The following FHIT variants were observed in gnomAD, a reference collection of about 807,000 sequenced individuals.
FHIT encodes bis(5'-adenosyl)-triphosphatase.
A neutral mutation model predicts 17.9 loss-of-function variants in FHIT; 19 were observed. The observed-to-expected ratio is 1.06, with a 90% confidence interval of 0.74 to 1.56. The LOEUF is 1.56. Ranked by LOEUF, FHIT falls within the 40% of genes most tolerant of loss-of-function variation. The pLI is 0.00. For synonymous variants in FHIT, 81 were observed against 69.7 expected, an observed-to-expected ratio of 1.16 and a Z score of -0.81; for missense variants, 248 against 189.2, an observed-to-expected ratio of 1.31 and a Z score of -1.82.
intron 5 of FHIT, among the ~76,000 whole-genome samples, chr3:60,345,599 A>T (rs1378724185): frequency 1.3e-5 from 2 of 152,190 alleles, no homozygotes; most frequent in African/African-American, 4.8e-5. Context: ...TTGTGACTAA[A>T]AGATGGCATT....
chr3:60,441,856 T>TG (rs1445693672), intron 5 of FHIT, among the ~76,000 whole-genome samples: 128 of 123,082 alleles, frequency 1.0e-3, no homozygotes, highest in African/African-American at 3.6e-3. Context: ...TTTAGTTGTG[T>TG]TTTTTTTTTT....
intron 3 of FHIT, among the ~76,000 whole-genome samples, chr3:60,962,594 G>A (rs1709512332): frequency 6.6e-6 from 1 of 152,144 alleles, no homozygotes; most frequent in Non-Finnish European, 1.5e-5. Flanking sequence ...ATTATTTTCA[G>A]ACACGTCCCA....
At chr3:60,892,167 AT>A (rs1247360797) in intron 3 of FHIT, among the ~76,000 whole-genome samples, 1 of 152,178 alleles carries the variant, frequency 6.6e-6, no homozygotes, top group African/African-American at 2.4e-5. Flanking sequence ...AAAGCCTGAA[AT>A]TTCATCCTTC....
At position 60,323,246 on chromosome 3, in the gene FHIT, T is replaced by G. The variant is rs1243823697; in HGVS notation, c.103+213614A>C. Among the ~76,000 whole-genome samples the G allele has an allele frequency of 4.6e-5, 7 of 152,162 alleles. No individual in the cohort carries two copies. The South Asian group carries it at 1.2e-3, about 27-fold the overall frequency. On this transcript the variant is annotated intron_variant, in intron 5 of 9. Coordinates refer to ENST00000492590, the MANE Select transcript of FHIT (RefSeq NM_002012.4). Reference sequence around the variant, plus strand: ...CACTGTTTCACATTCATGAAATACGTAGTCAGTGATGATATCTACATAACG... The same window carrying G: ...CACTGTTTCACATTCATGAAATACGGAGTCAGTGATGATATCTACATAACG...
chr3:60,196,934 A>C (rs187740912), intron 5 of FHIT, among the ~76,000 whole-genome samples: 2 of 152,240 alleles, frequency 1.3e-5, no homozygotes, highest in East Asian at 3.9e-4. Flanking sequence ...ACCACAGGTA[A>C]GTACATACAG....
At chr3:60,259,176 G>C (rs1346314252) in intron 5 of FHIT, among the ~76,000 whole-genome samples, 1 of 152,074 alleles carries the variant, frequency 6.6e-6, no homozygotes, top group Non-Finnish European at 1.5e-5. Flanking sequence ...AGCAGGCCAG[G>C]AATTGCTGAG....
chr3:60,702,680 AAG>A (rs1348332032), intron 4 of FHIT, among the ~76,000 whole-genome samples: 1 of 152,142 alleles, frequency 6.6e-6, no homozygotes, highest in Non-Finnish European at 1.5e-5. Flanking sequence ...CATGACAGTG[AAG>A]AGAGTATCAT....
intron 1 of FHIT, among the ~76,000 whole-genome samples, chr3:61,221,221 G>A (rs1560090313): frequency 6.6e-6 from 1 of 152,208 alleles, no homozygotes; most frequent in Non-Finnish European, 1.5e-5. Context: ...GAGACATTCT[G>A]ACAATGTGGC....
chr3:60,700,110 A>G (rs1350775291), intron 4 of FHIT, among the ~76,000 whole-genome samples: 1 of 142,914 alleles, frequency 7.0e-6, no homozygotes, highest in Non-Finnish European at 1.5e-5. Flanking sequence ...CAGCCTGGGC[A>G]GCAGAGCGAG....
At chr3:60,461,884 A>G (rs1016051011) in intron 5 of FHIT, among the ~76,000 whole-genome samples, 1 of 152,176 alleles carries the variant, frequency 6.6e-6, no homozygotes, top group Non-Finnish European at 1.5e-5. Context: ...ATTGAAATTG[A>G]TTTTAAAAAA....
At chr3:61,089,099 T>C (rs972227612) in intron 2 of FHIT, among the ~76,000 whole-genome samples, 2 of 152,168 alleles carry the variant, frequency 1.3e-5, no homozygotes, top group African/African-American at 4.8e-5. Context: ...ACTCAGACTT[T>C]TTTTGAGCAG....
At chr3:60,328,821 C>G (rs1298669410) in intron 5 of FHIT, among the ~76,000 whole-genome samples, 1 of 152,176 alleles carries the variant, frequency 6.6e-6, no homozygotes, top group Non-Finnish European at 1.5e-5. Context: ...TTTTCCCACC[C>G]AGGTCACAGT....
At chr3:60,720,846 A>G (rs13060811) in intron 4 of FHIT, among the ~76,000 whole-genome samples, 28,742 of 152,114 alleles carry the variant, frequency 0.19, 2,861 homozygotes, top group African/African-American at 0.22. Flanking sequence ...ATATGAATAC[A>G]TGTAGTAAAA....
At chr3:60,063,747 T>C (rs967932108) in intron 5 of FHIT, among the ~76,000 whole-genome samples, 2 of 152,216 alleles carry the variant, frequency 1.3e-5, no homozygotes, top group Admixed American at 6.5e-5. Context: ...CCTACAGATA[T>C]ACTTCCAAAT....
intron 4 of FHIT, among the ~76,000 whole-genome samples, chr3:60,586,517 T>G (rs782665517): frequency 6.6e-6 from 1 of 152,042 alleles, no homozygotes; most frequent in Non-Finnish European, 1.5e-5. Flanking sequence ...ATATAAATCA[T>G]TCTACCATAA....
intron 5 of FHIT, among the ~76,000 whole-genome samples, chr3:60,356,977 CCAA>C (rs748867184): frequency 7.1e-4 from 108 of 152,160 alleles, no homozygotes; most frequent in Non-Finnish European, 1.2e-3. Context: ...ACAAATTCAA[CCAA>C]TGAAGCTCTT....
intron 4 of FHIT, among the ~76,000 whole-genome samples, chr3:60,578,844 A>G (rs1419825652): frequency 1.3e-5 from 2 of 152,122 alleles, no homozygotes; most frequent in African/African-American, 2.4e-5. Context: ...ACATTTCCCA[A>G]TTTTATTCTT....
chr3:60,969,212 G>C (rs1709892560), intron 3 of FHIT, among the ~76,000 whole-genome samples: 1 of 151,830 alleles, frequency 6.6e-6, no homozygotes, highest in Non-Finnish European at 1.5e-5. Flanking sequence ...AATAGATATA[G>C]GATAATTCAG....
chr3:60,211,264 A>G (rs1432956307), intron 5 of FHIT, among the ~76,000 whole-genome samples: 1 of 151,986 alleles, frequency 6.6e-6, no homozygotes, highest in East Asian at 1.9e-4. Flanking sequence ...ACATACATGT[A>G]TGTATATCCA....
Sources: allele counts gnomAD v4.1 joint callset (sites outside exome capture counted in the v4.1 genomes callset), GRCh38; gene constraint gnomAD v4.1.1; transcripts MANE v1.5; gene names NCBI Gene and HGNC (gene_info 2026-07-23, HGNC 2026-07-21).